The following ZNF114 variants were observed in gnomAD, a reference collection of about 807,000 sequenced individuals.
ZNF114 encodes the protein zinc finger protein 114, also known as zinc finger protein 114 (Y18).
In ZNF114, 8 loss-of-function variants were observed where a neutral mutation model predicts 6.8. The observed-to-expected ratio is 1.18, with a 90% CI of 0.69 to 2.13. ZNF114 has a LOEUF of 2.13. Among genes scored for constraint, ZNF114 ranks in the 30% most tolerant of loss-of-function variants. The probability of loss-of-function intolerance (pLI) is 0.00; values close to 1 mark genes in which losing one functional copy is unlikely to be tolerated. For synonymous variants in ZNF114, 169 were observed against 185.5 expected (o/e 0.91, Z 0.72); for missense variants, 472 against 519.5 (o/e 0.91, Z 0.89).
intron 3 of ZNF114, among the ~76,000 whole-genome samples, chr19:48,273,146 T>C (rs1490481001): frequency 2.0e-5 from 3 of 152,106 alleles, no homozygotes; most frequent in Admixed American, 1.3e-4. Flanking sequence ...TGGTCTTTTA[T>C]GGGAACTGAG....
chr19:48,273,118 A>G (rs1423108759), intron 3 of ZNF114, among the ~76,000 whole-genome samples: 1 of 152,142 alleles, frequency 6.6e-6, no homozygotes, highest in African/African-American at 2.4e-5. Context: ...TGAGGGTTTG[A>G]GTTCCGTGTG....
intron 1 of ZNF114, 176 bp from the exon 2 acceptor site, chr19:48,271,069 A>T (rs1190478058): frequency 6.9e-6 from 1 of 145,746 alleles, no homozygotes; most frequent in Admixed American, 6.8e-5. Flanking sequence ...AAAAAAAAAG[A>T]AAGAAAGAAA....
At chr19:48,277,794 G>GGGTGTGTGTGTGTGTGTGTGT (rs1330052475) in intron 3 of ZNF114, among the ~76,000 whole-genome samples, 36 of 119,410 alleles carry the variant, frequency 3.0e-4, no homozygotes, top group African/African-American at 1.2e-3. Context: ...GGAGGCATTG[G>GGGTGTGTGTGTGTGTGTGTGT]GTGTGTGTGT....
chr19:48,280,850 G>A (rs1967969217), intron 4 of ZNF114, among the ~76,000 whole-genome samples: 1 of 152,152 alleles, frequency 6.6e-6, no homozygotes. Context: ...ACCATGCCCG[G>A]CCAGGGTTTA....
chr19:48,285,425 G>A (rs1968089672), intron 5 of ZNF114, among the ~76,000 whole-genome samples: 1 of 152,022 alleles, frequency 6.6e-6, no homozygotes, highest in Non-Finnish European at 1.5e-5. Context: ...TTGAACCTGG[G>A]AGGCGGAGGT....
rs749201884 is a variant in ZNF114, at chr19:48,277,794, GGTGTGT to G, written c.-69-1902_-69-1897del. ...GAATAGACTGACCAGGGAGGCATTGGGTGTGTGTGTGTGTGTGTGTGTGTGTGTGTG... is the reference window on the plus strand; with the variant it reads ...GAATAGACTGACCAGGGAGGCATTGGGTGTGTGTGTGTGTGTGTGTGTGTG... On this transcript the variant is annotated intron_variant, in intron 3 of 5. Transcript: ENST00000595607. Among the ~76,000 whole-genome samples the G allele has an allele frequency of 1.2e-3, 147 of 119,406 alleles. 4 individuals carry two copies. Among genetic ancestry groups the G allele is most frequent in the African/African-American group, 3.8e-3 (117 of 30,594 alleles). The allele number at this position is 119,406 out of a possible 152,430, so 78.3% of individuals were successfully genotyped here.
intron 3 of ZNF114, among the ~76,000 whole-genome samples, chr19:48,274,114 A>G (rs1449238567): frequency 1.3e-5 from 2 of 151,324 alleles, no homozygotes; most frequent in Non-Finnish European, 2.9e-5. Flanking sequence ...ACACACACAC[A>G]TATATATAAA....
At position 48,285,754 on chromosome 19, in the gene ZNF114, A is replaced by G; in HGVS notation, c.137-7A>G. The stretch of plus-strand genomic sequence containing the variant: ...AAGAATTTAACTTTTGTGCCACTGT[A>G]TTTCAGATTGGGCAACTCCATGTAA... On this transcript the variant is annotated splice_polypyrimidine_tract_variant and splice_region_variant and intron_variant, in intron 5 of 5. Transcript: ENST00000595607. 1 of 1,595,890 alleles carries G rather than the reference A, an allele frequency of 6.3e-7. No homozygotes were observed. Among genetic ancestry groups the G allele is most frequent in the African/African-American group, 1.4e-5 (1 of 73,862 alleles).
chr19:48,282,330 A>G (rs1568993691), intron 4 of ZNF114, 41 bp from the exon 5 acceptor site: 1 of 1,609,386 alleles, frequency 6.2e-7, no homozygotes, highest in South Asian at 1.1e-5. Context: ...CAAACTGATA[A>G]CAGGACACCC....
rs1802896328 is a variant in ZNF114, at chr19:48,286,245, G to A, written c.621G>A (p.Val207=). 1.2e-6 allele frequency: 2 copies of A among 1,614,070 alleles called. No homozygotes were observed. The highest frequency in any genetic ancestry group is 2.7e-5 in the African/African-American group (2 of 74,918). ...SSTWTGSQNT[V]HHIRDEIDTG... is the part of the protein sequence containing the mutation. ...CATGGACTGGCAGTCAGAACACTGT[G>A]CATCATATACGTGATGAAATTGATA... Residue 207 remains valine (V), a synonymous_variant, in exon 6 of 6, where the codon GTG becomes GTA. Coordinates refer to ENST00000595607, the MANE Select transcript of ZNF114 (RefSeq NM_153608.4).
chr19:48,284,713 G>A (rs1214830981), intron 5 of ZNF114, among the ~76,000 whole-genome samples: 2 of 152,220 alleles, frequency 1.3e-5, no homozygotes, highest in African/African-American at 2.4e-5. Flanking sequence ...TTACAGGCGT[G>A]AGCCACTGTG....
intron 1 of ZNF114, among the ~76,000 whole-genome samples, chr19:48,270,449 G>A (rs1419537305): frequency 6.9e-6 from 1 of 144,970 alleles, no homozygotes; most frequent in East Asian, 2.0e-4. Flanking sequence ...AGGAAGGAAG[G>A]GAGGGAGGGA....
At chr19:48,279,501 T>G (rs1178604055) in intron 3 of ZNF114, among the ~76,000 whole-genome samples, 5 of 40,270 alleles carry the variant, frequency 1.2e-4, no homozygotes, top group Admixed American at 5.9e-4. Context: ...TGTGTGTGGG[T>G]GGGGGGATGG....
chr19:48,276,445 C>T (rs1967836278), intron 3 of ZNF114, among the ~76,000 whole-genome samples: 1 of 152,106 alleles, frequency 6.6e-6, no homozygotes, highest in Non-Finnish European at 1.5e-5. Context: ...CCGTACCCTG[C>T]TAATGACTGC....
intron 3 of ZNF114, among the ~76,000 whole-genome samples, chr19:48,276,038 T>G (rs1967820385): frequency 1.4e-5 from 2 of 143,946 alleles, no homozygotes; most frequent in Admixed American, 7.0e-5. Context: ...CTAACATTGG[T>G]GGGGTAGTTT....
chr19:48,279,539 G>A (rs1432930022), intron 3 of ZNF114, among the ~76,000 whole-genome samples, 192 bp from the exon 4 acceptor site: 1 of 115,978 alleles, frequency 8.6e-6, no homozygotes, highest in Admixed American at 9.1e-5. Flanking sequence ...GCGTAAGGGG[G>A]TTGGAGTGAG....
intron 4 of ZNF114, 86 bp downstream of exon 4, chr19:48,279,894 A>G: frequency 1.9e-6 from 3 of 1,603,064 alleles, no homozygotes; most frequent in East Asian, 2.2e-5. Context: ...GAGTCAGGTA[A>G]AGCACATGGA....
At chr19:48,276,925 G>A (rs1037694669) in intron 3 of ZNF114, among the ~76,000 whole-genome samples, 2 of 152,222 alleles carry the variant, frequency 1.3e-5, no homozygotes, top group Non-Finnish European at 2.9e-5. Context: ...TTGAGAGGTC[G>A]AGGCAGGCGG....
At chr19:48,280,892 A>G (rs575351936) in intron 4 of ZNF114, among the ~76,000 whole-genome samples, 22 of 152,262 alleles carry the variant, frequency 1.4e-4, no homozygotes, top group African/African-American at 5.3e-4. Context: ...ATAGTTTGTT[A>G]TAACAGCCTG....
Sources: gnomAD v4.1 joint callset for allele counts (sites outside exome capture counted in the v4.1 genomes callset) on GRCh38, gnomAD v4.1.1 for gene constraint, MANE v1.5 for transcripts, NCBI Gene and HGNC (gene_info 2026-07-23, HGNC 2026-07-21) for gene names.